CDC42BPA: variants seen among roughly 807,000 people sequenced by gnomAD.
CDC42BPA encodes the protein serine/threonine-protein kinase MRCK alpha.
Under a neutral mutation model 223.5 loss-of-function variants are expected in CDC42BPA, and 80 were observed. The ratio of observed to expected loss-of-function variants is 0.36; its 90% CI spans 0.30 to 0.43. CDC42BPA has a LOEUF of 0.43. CDC42BPA is among the 20% of genes least tolerant of loss of function. The probability of loss-of-function intolerance (pLI) is 1.00; values close to 1 mark genes in which losing one functional copy is unlikely to be tolerated. For synonymous variants in CDC42BPA, 694 were observed against 718.6 expected, an observed-to-expected ratio of 0.97 and a Z score of 0.55; for missense variants, 1,743 against 2,099.9, an observed-to-expected ratio of 0.83 and a Z score of 3.32.
At chr1:227,202,339 C>T (rs1335699653) in intron 3 of CDC42BPA, among the ~76,000 whole-genome samples, 1 of 152,156 alleles carries the variant, frequency 6.6e-6, no homozygotes, top group Non-Finnish European at 1.5e-5. Flanking sequence ...CTACCAAGTC[C>T]TGTTTTATGA....
At chr1:227,184,774 T>A (rs1014187465) in intron 5 of CDC42BPA, among the ~76,000 whole-genome samples, 1 of 151,906 alleles carries the variant, frequency 6.6e-6, no homozygotes, top group Non-Finnish European at 1.5e-5. Context: ...GAAAAAAAAA[T>A]AAAGAATAAA....
intron 21 of CDC42BPA, among the ~76,000 whole-genome samples, chr1:227,063,542 G>GT (rs1676368856): frequency 1.3e-5 from 2 of 151,760 alleles, no homozygotes; most frequent in South Asian, 4.1e-4. Flanking sequence ...GATAAAATAC[G>GT]TAATATATAC....
rs150426205 is a variant in CDC42BPA at position 227,315,817 on chromosome 1, A to G, written c.178+1188T>C. Among the ~76,000 whole-genome samples the G allele has an allele frequency of 8.9e-3, 1,355 of 152,222 alleles. 6 individuals are homozygous for G. Among genetic ancestry groups the G allele is most frequent in the Non-Finnish European group, 0.013 (859 of 68,002 alleles). On this transcript the variant is annotated intron_variant, in intron 1 of 36. Transcript: ENST00000366766. ...GAAAAGTTATTCTATTCACATTTAC[A>G]TATTTTTTTAAACCTTATGACATCA...
At chr1:227,105,360 T>TTC (rs1491088968) in intron 14 of CDC42BPA, among the ~76,000 whole-genome samples, 1 of 73,384 alleles carries the variant, frequency 1.4e-5, no homozygotes, top group Admixed American at 1.3e-4. Context: ...TATTCTCTTT[T>TTC]TTTTTTTTTT....
chr1:227,179,167 C>A (rs1234224190), intron 5 of CDC42BPA, among the ~76,000 whole-genome samples: 1 of 152,024 alleles, frequency 6.6e-6, no homozygotes, highest in Non-Finnish European at 1.5e-5. Flanking sequence ...TTGCTTAAGG[C>A]TGGGGAAATA....
At chr1:227,294,405 T>C (rs1198472279) in intron 1 of CDC42BPA, among the ~76,000 whole-genome samples, 4 of 152,166 alleles carry the variant, frequency 2.6e-5, no homozygotes, top group Non-Finnish European at 5.9e-5. Flanking sequence ...ACGATATTAA[T>C]AATGGTAATG....
intron 19 of CDC42BPA, 79 bp downstream of exon 19, chr1:227,073,785 A>T: frequency 8.5e-7 from 1 of 1,178,928 alleles, no homozygotes; most frequent in East Asian, 2.6e-5. Flanking sequence ...AGCAATGGAA[A>T]CTAAACATGT....
intron 14 of CDC42BPA, among the ~76,000 whole-genome samples, chr1:227,110,906 G>C (rs73100804): frequency 0.15 from 23,494 of 152,150 alleles, 2,195 homozygotes; most frequent in African/African-American, 0.25. Flanking sequence ...GTCAGACAAA[G>C]TAAGCTCTGA....
intron 5 of CDC42BPA, among the ~76,000 whole-genome samples, chr1:227,166,881 T>C (rs1245086288): frequency 1.3e-5 from 2 of 152,002 alleles, no homozygotes; most frequent in African/African-American, 2.4e-5. Context: ...AGATACTTCA[T>C]TCAAACTTGG....
intron 1 of CDC42BPA, among the ~76,000 whole-genome samples, chr1:227,277,096 GA>G (rs1687233572): frequency 1.5e-5 from 2 of 129,426 alleles, no homozygotes; most frequent in Non-Finnish European, 3.4e-5. Context: ...AAAAAAAAAA[GA>G]AAAAGAAAAA....
chr1:227,243,254 G>T (rs745961368), intron 2 of CDC42BPA, among the ~76,000 whole-genome samples: 1 of 152,188 alleles, frequency 6.6e-6, no homozygotes, highest in Non-Finnish European at 1.5e-5. Context: ...GAAATAATCT[G>T]TACAACAAAT....
At chr1:227,236,628 A>G (rs767384959) in intron 2 of CDC42BPA, among the ~76,000 whole-genome samples, 10 of 152,226 alleles carry the variant, frequency 6.6e-5, no homozygotes, top group Non-Finnish European at 1.2e-4. Context: ...TGTTTATACA[A>G]TGATAAAGTG....
At chr1:227,226,060 T>C (rs1676813647) in intron 2 of CDC42BPA, among the ~76,000 whole-genome samples, 1 of 152,166 alleles carries the variant, frequency 6.6e-6, no homozygotes, top group Admixed American at 6.5e-5. Context: ...CAAAAATGAG[T>C]AATTCCCTTT....
At chr1:227,297,967 T>TATATATATATATATACACACACACAC (rs369403944) in intron 1 of CDC42BPA, among the ~76,000 whole-genome samples, 43 of 132,052 alleles carry the variant, frequency 3.3e-4, no homozygotes, top group African/African-American at 9.4e-4. Context: ...TATATACATA[T>TATATATATATATATACACACACACAC]ACACACACAC....
At chr1:227,089,627 G>GTTTTTTTTTTTTTTTTTTTTTTTTTTTT (rs72110440) in intron 16 of CDC42BPA, among the ~76,000 whole-genome samples, 1 of 116,720 alleles carries the variant, frequency 8.6e-6, no homozygotes. Context: ...GGGTAATTCC[G>GTTTTTTTTTTTTTTTTTTTTTTTTTTTT]TTTTTTTTTT....
rs781006054 is a variant in CDC42BPA, at chr1:227,119,845, G to A, written c.1606C>T (p.Gln536Ter). The A allele has an allele frequency of 6.3e-7, 1 of 1,597,188 alleles. No individual in the cohort carries two copies. The highest frequency in any genetic ancestry group is 2.3e-5 in the East Asian group (1 of 44,398). ...CTTTCTTGTTGTAACGTTTTGATTTGTTTTTCATAAGCCTTGATTTGTCTA... is the reference window on the plus strand; with the variant it reads ...CTTTCTTGTTGTAACGTTTTGATTTATTTTTCATAAGCCTTGATTTGTCTA... ...AFRQIKAYEKQIKTLQQERED... is the reference protein window; with the variant it reads ...AFRQIKAYEK Residue 536 changes from glutamine (Q) to a stop codon, truncating the protein, a stop_gained, in exon 12 of 37, where the codon CAA (glutamine) becomes TAA (stop). Transcript: ENST00000366766. LOFTEE classifies it high-confidence loss of function.
chr1:227,143,130 CTG>C lies in CDC42BPA; in HGVS notation c.1144-108_1144-107del, dbSNP rs1571941095. On this transcript the variant is annotated intron_variant, in intron 8 of 36. Coordinates refer to ENST00000366766, the MANE Select transcript of CDC42BPA (RefSeq NM_001394014.1). The stretch of plus-strand genomic sequence containing the variant: ...AGAAATATTTAAAAAAAAATTGTGA[CTG>C]TTCAATTTTAAAACACTGGTAAGTT... The C allele has an allele frequency of 6.3e-6, 4 of 630,366 alleles. No individual in the cohort carries two copies. In the South Asian group the frequency reaches 1.1e-4, roughly 17 times the overall value. 39.0% of individuals were successfully genotyped at this position (630,366 alleles called of 1,614,324 possible).
intron 3 of CDC42BPA, among the ~76,000 whole-genome samples, chr1:227,200,965 A>G (rs1671647110): frequency 6.6e-6 from 1 of 152,088 alleles, no homozygotes; most frequent in African/African-American, 2.4e-5. Flanking sequence ...CTTTATATAC[A>G]CTTACTGGAC....
At chr1:227,275,617 G>A (rs983635476) in intron 1 of CDC42BPA, among the ~76,000 whole-genome samples, 3 of 101,156 alleles carry the variant, frequency 3.0e-5, no homozygotes, top group African/African-American at 7.7e-5. Flanking sequence ...CCCTCCCCAC[G>A]GTCTCCCACT....
Sources: allele counts gnomAD v4.1 joint callset (sites outside exome capture counted in the v4.1 genomes callset), GRCh38; gene constraint gnomAD v4.1.1; transcripts MANE v1.5; gene names NCBI Gene and HGNC (gene_info 2026-07-23, HGNC 2026-07-21).